The following CHST11 variants were observed in gnomAD, a reference collection of about 807,000 sequenced individuals.
CHST11 encodes the protein carbohydrate sulfotransferase 11.
Under a neutral mutation model 30.4 loss-of-function variants are expected in CHST11, and 9 were observed. The observed-to-expected ratio is 0.30, with a 90% CI of 0.18 to 0.52. The LOEUF (loss-of-function observed/expected upper bound fraction) is 0.52, where lower values mean the gene tolerates loss of function less well. CHST11 is among the 20% of genes least tolerant of loss of function. CHST11 has a pLI of 0.97. For missense variants in CHST11, 348 were observed against 460.6 expected (o/e 0.76, Z 2.24); for synonymous variants, 152 against 187.8 (o/e 0.81, Z 1.56).
At chr12:104,546,784 G>A (rs1628116) in intron 1 of CHST11, among the ~76,000 whole-genome samples, 83,717 of 151,986 alleles carry the variant, frequency 0.55, 24,208 homozygotes, top group East Asian at 0.98. Flanking sequence ...AACAAGTCCA[G>A]AAACAAAAGA....
In CHST11 at chr12:104,565,924, C is replaced by T. The variant is rs150637278; in HGVS notation, c.119-35982C>T. ...TGGTTGCTGAGAAGTTGGGACAGAA[C>T]CTGCAGGCGTGTGCTTACCACGTTT... On this transcript the variant is annotated intron_variant, in intron 1 of 2. Transcript: ENST00000303694. 1.1e-4 allele frequency among the ~76,000 whole-genome samples: 16 copies of T among 152,318 alleles called. No individual in the cohort carries two copies. The East Asian group carries it at 2.7e-3, about 26-fold the overall frequency.
At chr12:104,747,354 C>A (rs1347840356) in intron 2 of CHST11, among the ~76,000 whole-genome samples, 1 of 152,184 alleles carries the variant, frequency 6.6e-6, no homozygotes, top group Non-Finnish European at 1.5e-5. Context: ...GTGCCTGTTT[C>A]CTTATCCACA....
chr12:104,496,563 C>G (rs1162045524), intron 1 of CHST11, among the ~76,000 whole-genome samples: 1 of 152,212 alleles, frequency 6.6e-6, no homozygotes, highest in Non-Finnish European at 1.5e-5. Flanking sequence ...ACACTCACAT[C>G]TGGTAATCCT....
At chr12:104,543,137 G>A (rs1051016340) in intron 1 of CHST11, among the ~76,000 whole-genome samples, 12 of 152,194 alleles carry the variant, frequency 7.9e-5, no homozygotes, top group Non-Finnish European at 1.5e-4. Flanking sequence ...AAGGGGAGCC[G>A]GGGTGTCACA....
intron 2 of CHST11, among the ~76,000 whole-genome samples, chr12:104,698,576 A>G (rs2039967530): frequency 6.6e-6 from 1 of 152,216 alleles, no homozygotes; most frequent in Admixed American, 6.5e-5. Flanking sequence ...TGTGTCTGGT[A>G]TACAGAAGGC....
chr12:104,746,158 A>G (rs192114440), intron 2 of CHST11, among the ~76,000 whole-genome samples: 67 of 152,272 alleles, frequency 4.4e-4, no homozygotes, highest in Middle Eastern at 3.4e-3. Context: ...AGTGAGATCT[A>G]TGTGGCATCA....
At chr12:104,615,997 C>T (rs923759941) in intron 2 of CHST11, among the ~76,000 whole-genome samples, 1 of 152,054 alleles carries the variant, frequency 6.6e-6, no homozygotes, top group African/African-American at 2.4e-5. Flanking sequence ...TTGATGAATC[C>T]GGACATGTGA....
intron 1 of CHST11, among the ~76,000 whole-genome samples, chr12:104,581,782 C>G (rs1289976947): frequency 3.3e-5 from 5 of 152,182 alleles, no homozygotes. Context: ...GGAGCTGCCT[C>G]CCTGCATCTT....
chr12:104,696,763 T>C (rs2039951037), intron 2 of CHST11, among the ~76,000 whole-genome samples: 1 of 152,246 alleles, frequency 6.6e-6, no homozygotes, highest in South Asian at 2.1e-4. Flanking sequence ...CAACCTCTTA[T>C]GAATTTACAA....
At chr12:104,721,020 G>T (rs1210137704) in intron 2 of CHST11, among the ~76,000 whole-genome samples, 1 of 152,174 alleles carries the variant, frequency 6.6e-6, no homozygotes, top group Non-Finnish European at 1.5e-5. Context: ...GGCTAAGCTG[G>T]CTTCCTTGGT....
intron 2 of CHST11, among the ~76,000 whole-genome samples, chr12:104,705,296 C>CCCCAAATTCATCA (rs1449554979): frequency 4.6e-5 from 7 of 152,100 alleles, no homozygotes; most frequent in African/African-American, 1.7e-4. Flanking sequence ...TCGCTGATTC[C>CCCCAAATTCATCA]CTGTGTTGCC....
rs1040308198 is a variant in CHST11, at chr12:104,668,647, C to T, written c.204+66656C>T. ...GTGAACATTTATCGTCCCCTAGTTC[C>T]GACGTTTATTATCCCCCCGGGTGGA... On this transcript the variant is annotated intron_variant, in intron 2 of 2. Transcript: ENST00000303694. Among the ~76,000 whole-genome samples, 11 of 152,326 alleles carry T rather than the reference C, an allele frequency of 7.2e-5. No individual in the cohort carries two copies. In the East Asian group the frequency reaches 1.7e-3, roughly 24 times the overall value.
At chr12:104,746,482 G>T (rs904516064) in intron 2 of CHST11, among the ~76,000 whole-genome samples, 1 of 152,178 alleles carries the variant, frequency 6.6e-6, no homozygotes, top group Non-Finnish European at 1.5e-5. Flanking sequence ...TGGCTTGGGG[G>T]CTGATCCAGA....
At chr12:104,718,819 G>A (rs1409148660) in intron 2 of CHST11, among the ~76,000 whole-genome samples, 24 of 152,160 alleles carry the variant, frequency 1.6e-4, no homozygotes, top group Non-Finnish European at 7.3e-5. Context: ...ATTTCATTCC[G>A]GTGGACGAGA....
At chr12:104,665,514 C>T (rs1362088056) in intron 2 of CHST11, among the ~76,000 whole-genome samples, 1 of 152,056 alleles carries the variant, frequency 6.6e-6, no homozygotes, top group Non-Finnish European at 1.5e-5. Context: ...TCTCTTTTTC[C>T]TCATCTGTAA....
At chr12:104,618,705 T>C (rs1190381789) in intron 2 of CHST11, among the ~76,000 whole-genome samples, 2 of 152,202 alleles carry the variant, frequency 1.3e-5, no homozygotes, top group Non-Finnish European at 2.9e-5. Context: ...AGCCTTTCAC[T>C]GCTTTTCAAA....
At chr12:104,737,669 C>T (rs1363458918) in intron 2 of CHST11, among the ~76,000 whole-genome samples, 3 of 152,160 alleles carry the variant, frequency 2.0e-5, no homozygotes, top group African/African-American at 4.8e-5. Flanking sequence ...TGGAGGAAGA[C>T]ACAGAGTGGA....
chr12:104,611,269 TAA>T (rs1443837382), intron 2 of CHST11, among the ~76,000 whole-genome samples: 1 of 152,242 alleles, frequency 6.6e-6, no homozygotes, highest in Non-Finnish European at 1.5e-5. Flanking sequence ...GTTTTCATGC[TAA>T]GTCTTTGAAA....
At chr12:104,467,354 G>A (rs562958918) in intron 1 of CHST11, among the ~76,000 whole-genome samples, 5 of 152,288 alleles carry the variant, frequency 3.3e-5, no homozygotes, top group South Asian at 2.1e-4. Context: ...GAAGTCTGAT[G>A]TTTCCTTCCC....
Sources: allele counts gnomAD v4.1 joint callset (sites outside exome capture counted in the v4.1 genomes callset), GRCh38; gene constraint gnomAD v4.1.1; transcripts MANE v1.5; gene names NCBI Gene and HGNC (gene_info 2026-07-23, HGNC 2026-07-21).